The following STK32A variants were observed in gnomAD, a reference collection of about 807,000 sequenced individuals.
STK32A encodes the protein serine/threonine-protein kinase 32A.
Under a neutral mutation model 53.2 loss-of-function variants are expected in STK32A, and 41 were observed. The observed-to-expected ratio is 0.77, with a 90% CI of 0.60 to 1.00. The LOEUF (loss-of-function observed/expected upper bound fraction) is 1.00. STK32A is among the 50% of genes least tolerant of loss of function. The probability of loss-of-function intolerance (pLI) is 0.00; values close to 1 mark genes in which losing one functional copy is unlikely to be tolerated. For missense variants in STK32A, 458 were observed against 485.8 expected (o/e 0.94, Z 0.54); for synonymous variants, 166 against 162.8 (o/e 1.02, Z -0.15).
chr5:147,374,956 C>A, intron 10 of STK32A, 134 bp from the exon 11 acceptor site: 1 of 655,662 alleles, frequency 1.5e-6, no homozygotes, highest in Non-Finnish European at 2.2e-6. Context: ...TAACGTAAAA[C>A]TTAGAGTGGG....
chr5:147,305,159 G>C (rs559874974), intron 4 of STK32A, among the ~76,000 whole-genome samples: 1 of 152,044 alleles, frequency 6.6e-6, no homozygotes, highest in Non-Finnish European at 1.5e-5. Context: ...CTAAAACTGG[G>C]CTCTTGTCAC....
chr5:147,239,777 G>A, intron 2 of STK32A, 91 bp downstream of exon 2: 1 of 989,694 alleles, frequency 1.0e-6, no homozygotes, highest in East Asian at 2.6e-5. Context: ...CATAAGCATG[G>A]TCTGTAGGGC....
chr5:147,237,312 CA>C lies in STK32A; in HGVS notation c.-97+2125del, dbSNP rs542083118. Among the ~76,000 whole-genome samples, 146 of 144,130 alleles carry C rather than the reference CA, an allele frequency of 1.0e-3. 1 individual carries two copies. The highest frequency in any genetic ancestry group is 1.9e-3 in the African/African-American group (73 of 39,446). 94.6% of individuals were successfully genotyped at this position (144,130 alleles called of 152,430 possible). A position where few individuals can be genotyped will look rare whatever the true frequency, so the allele number is the denominator to read the frequency against. ...TGGGCAACAGAGCAAGACTCCATCT[CA>C]AAAAAAAAAAATTAATGTTCTCTTT... is the stretch of plus-strand genomic sequence containing the variant. On this transcript the variant is annotated intron_variant, in intron 1 of 12. Coordinates refer to ENST00000397936, the MANE Select transcript of STK32A (RefSeq NM_001112724.2).
At chr5:147,302,654 A>G (rs766427851) in intron 4 of STK32A, among the ~76,000 whole-genome samples, 3 of 152,122 alleles carry the variant, frequency 2.0e-5, no homozygotes, top group Non-Finnish European at 2.9e-5. Context: ...GTGATTGGAA[A>G]GGGGAGGTCT....
chr5:147,256,542 G>A (rs561623321), intron 2 of STK32A, among the ~76,000 whole-genome samples: 10 of 152,074 alleles, frequency 6.6e-5, no homozygotes, highest in East Asian at 1.9e-4. Flanking sequence ...ACGGAGTTTC[G>A]CTCTTGTTGC....
At chr5:147,336,269 T>C (rs1755117090) in intron 5 of STK32A, among the ~76,000 whole-genome samples, 1 of 152,134 alleles carries the variant, frequency 6.6e-6, no homozygotes, top group Non-Finnish European at 1.5e-5. Context: ...TTTCAGTGTA[T>C]TGGCTGATGA....
In STK32A at chr5:147,249,908, CA is replaced by C. The variant is rs35848112; in HGVS notation, c.52+10246del. ...TGGGCAACAGAGTAAGCCTCTGTCT[CA>C]AAAAAAAAAAAAAAAAAAAAAAAGT... On this transcript the variant is annotated intron_variant, in intron 2 of 12. Coordinates refer to ENST00000397936, the MANE Select transcript of STK32A (RefSeq NM_001112724.2). Among the ~76,000 whole-genome samples, 181 of 58,562 alleles carry C rather than the reference CA, an allele frequency of 3.1e-3. 1 individual carries two copies. The highest frequency in any genetic ancestry group is 9.8e-3 in the African/African-American group (146 of 14,840). 38.4% of individuals were successfully genotyped at this position (58,562 alleles called of 152,430 possible). A position where few individuals can be genotyped will look rare whatever the true frequency, so the allele number is the denominator to read the frequency against.
chr5:147,389,550 A>G (rs1003734449), downstream of STK32A, among the ~76,000 whole-genome samples: 2 of 152,166 alleles, frequency 1.3e-5, no homozygotes, highest in Non-Finnish European at 2.9e-5. Context: ...AGGTGAAATG[A>G]AAACCTGGAG....
intron 6 of STK32A, chr5:147,348,624 G>A: frequency 4.1e-6 from 3 of 735,542 alleles, no homozygotes; most frequent in Non-Finnish European, 7.6e-6. Flanking sequence ...AATCTATGCA[G>A]ACTAAAGTAG....
chr5:147,254,921 C>T (rs564709078), intron 2 of STK32A, among the ~76,000 whole-genome samples: 3 of 152,210 alleles, frequency 2.0e-5, no homozygotes, highest in Admixed American at 1.3e-4. Flanking sequence ...GGGCGGATCA[C>T]GAGGTCAGGA....
At chr5:147,294,649 T>C (rs1752777418) in intron 4 of STK32A, among the ~76,000 whole-genome samples, 1 of 152,074 alleles carries the variant, frequency 6.6e-6, no homozygotes, top group East Asian at 1.9e-4. Flanking sequence ...ATGTATAGAA[T>C]TGTCTCTCTT....
chr5:147,285,182 A>C (rs936907813), intron 4 of STK32A, among the ~76,000 whole-genome samples: 1 of 152,120 alleles, frequency 6.6e-6, no homozygotes. Flanking sequence ...TGATAAAGCA[A>C]ATGAAAACAT....
intron 2 of STK32A, among the ~76,000 whole-genome samples, chr5:147,259,778 CTCTCTGTCTCTCTCT>C (rs1198888799): frequency 4.0e-5 from 6 of 151,402 alleles, no homozygotes; most frequent in African/African-American, 9.7e-5. Context: ...TGCCTCTCTC[CTCTCTGTCTCTCTCT>C]TCTCTGTCTC....
intron 5 of STK32A, among the ~76,000 whole-genome samples, chr5:147,330,407 C>A (rs769844395): frequency 2.0e-5 from 3 of 152,196 alleles, no homozygotes; most frequent in Non-Finnish European, 2.9e-5. Flanking sequence ...GTAAGACCAT[C>A]ACATCTGCCA....
intron 6 of STK32A, among the ~76,000 whole-genome samples, chr5:147,350,826 A>T (rs1467997437): frequency 6.6e-6 from 1 of 152,166 alleles, no homozygotes; most frequent in African/African-American, 2.4e-5. Flanking sequence ...CTGACCACAA[A>T]TTCTTAACTA....
At chr5:147,341,584 G>A (rs940218348) in intron 5 of STK32A, among the ~76,000 whole-genome samples, 4 of 152,158 alleles carry the variant, frequency 2.6e-5, no homozygotes, top group African/African-American at 9.7e-5. Context: ...CTGGGCTCAG[G>A]TGATATCCCT....
intron 5 of STK32A, among the ~76,000 whole-genome samples, chr5:147,332,148 G>A (rs1754902342): frequency 1.3e-5 from 2 of 152,142 alleles, no homozygotes; most frequent in Non-Finnish European, 2.9e-5. Flanking sequence ...CTAACATGCT[G>A]CTTACAATAC....
At chr5:147,346,182 T>A (rs1755676446) in intron 6 of STK32A, among the ~76,000 whole-genome samples, 1 of 152,336 alleles carries the variant, frequency 6.6e-6, no homozygotes, top group Middle Eastern at 3.4e-3. Flanking sequence ...GAATCACAAA[T>A]CAATGCCTGC....
At chr5:147,357,646 T>C (rs1433697157) in intron 7 of STK32A, among the ~76,000 whole-genome samples, 1 of 152,070 alleles carries the variant, frequency 6.6e-6, no homozygotes, top group East Asian at 1.9e-4. Flanking sequence ...TACTTTGCTT[T>C]CTAACTTTGA....
Sources: gnomAD v4.1 joint callset for allele counts (sites outside exome capture counted in the v4.1 genomes callset) on GRCh38, gnomAD v4.1.1 for gene constraint, MANE v1.5 for transcripts, NCBI Gene and HGNC (gene_info 2026-07-23, HGNC 2026-07-21) for gene names.